Variants in CPVL observed in about 807,000 individuals in gnomAD.
CPVL encodes the protein carboxypeptidase vitellogenic like, also known as probable serine carboxypeptidase CPVL.
CPVL carries 51 observed loss-of-function variants against 63.7 expected under a neutral mutation model. That is an observed-to-expected ratio of 0.80 (90% CI 0.64 to 1.01). The LOEUF is 1.01. Ranked by LOEUF, CPVL falls within the 50% of genes least tolerant of loss-of-function variation. The pLI, the probability that CPVL is intolerant of heterozygous loss-of-function variation, is 0.00. For missense variants in CPVL, 530 were observed against 573.1 expected (o/e 0.92, Z 0.77); for synonymous variants, 195 against 206.0 (o/e 0.95, Z 0.46).
At chr7:29,140,133 T>C (rs1791709400) in intron 1 of CPVL, among the ~76,000 whole-genome samples, 1 of 152,146 alleles carries the variant, frequency 6.6e-6, no homozygotes, top group Non-Finnish European at 1.5e-5. Flanking sequence ...TCACATTTCT[T>C]GATCCATTCA....
At chr7:29,002,854 G>T (rs1186928898) in intron 12 of CPVL, among the ~76,000 whole-genome samples, 1 of 124,568 alleles carries the variant, frequency 8.0e-6, no homozygotes, top group Non-Finnish European at 1.7e-5. Context: ...GGAGAATAAA[G>T]GTATGAAAAT....
upstream of CPVL, chr7:29,195,309 C>T (rs1783540884): frequency 3.1e-6 from 1 of 319,128 alleles, no homozygotes; most frequent in Non-Finnish European, 5.7e-6. Flanking sequence ...GCAGCTGGAG[C>T]GGGGGCTGGC....
At chr7:29,167,592 G>T (rs1264082410) in intron 5 of CPVL, among the ~76,000 whole-genome samples, 1 of 152,122 alleles carries the variant, frequency 6.6e-6, no homozygotes, top group Admixed American at 6.5e-5. Context: ...ACACTAAATT[G>T]TTTTTTAAAG....
intron 5 of CPVL, among the ~76,000 whole-genome samples, chr7:29,177,204 G>C (rs560841650): frequency 4.6e-5 from 7 of 150,958 alleles, no homozygotes; most frequent in African/African-American, 1.7e-4. Context: ...CTATATAGGA[G>C]ATCTTTTTCT....
intron 2 of CPVL, among the ~76,000 whole-genome samples, chr7:29,118,518 T>C (rs766974075): frequency 2.5e-4 from 38 of 152,204 alleles, no homozygotes; most frequent in Non-Finnish European, 4.7e-4. Context: ...CTTTTTAAAA[T>C]ACACTAAATA....
chr7:29,165,895 T>A (rs760970609), intron 5 of CPVL, among the ~76,000 whole-genome samples: 20 of 152,238 alleles, frequency 1.3e-4, no homozygotes, highest in Non-Finnish European at 8.8e-5. Context: ...AAACCTTTTA[T>A]TTGGTAAAAT....
chr7:29,040,040 T>C (rs1413051585), intron 11 of CPVL, among the ~76,000 whole-genome samples: 2 of 152,136 alleles, frequency 1.3e-5, no homozygotes, highest in Non-Finnish European at 2.9e-5. Context: ...GGCCTCTATC[T>C]GTCTTAGTTT....
chr7:29,169,090 C>G (rs879686028), intron 5 of CPVL, among the ~76,000 whole-genome samples: 1 of 151,696 alleles, frequency 6.6e-6, no homozygotes, highest in East Asian at 1.9e-4. Flanking sequence ...ATTTATCTCC[C>G]ATAGAATAAA....
intron 12 of CPVL, chr7:29,001,282 T>C (rs897801135): frequency 6.6e-6 from 1 of 152,180 alleles, no homozygotes; most frequent in Non-Finnish European, 1.5e-5. Flanking sequence ...AGCTGCAAGT[T>C]TGGCAGGCAG....
rs532390613 is a variant in CPVL, at chr7:29,090,530, C to T, written c.542+2093G>A. Among the ~76,000 whole-genome samples the T allele has an allele frequency of 2.6e-5, 4 of 152,226 alleles. No homozygotes were observed. The South Asian group carries it at 8.3e-4, about 32-fold the overall frequency. On this transcript the variant is annotated intron_variant, in intron 6 of 12. Coordinates refer to ENST00000265394, the MANE Select transcript of CPVL (RefSeq NM_031311.5). ...GCTGCTAAGAAAATAACTATAGGTC[C>T]ACCACTAGACTGAGCACCAGGAGGG...
At chr7:29,159,647 A>G (rs1483354174) in intron 5 of CPVL, among the ~76,000 whole-genome samples, 1 of 151,962 alleles carries the variant, frequency 6.6e-6, no homozygotes, top group Non-Finnish European at 1.5e-5. Flanking sequence ...ATTTTGCTCA[A>G]ATGTCACCTT....
At chr7:29,195,123 G>A in exon 1 of CPVL, 2 of 911,832 alleles carry the variant, frequency 2.2e-6, no homozygotes, top group South Asian at 1.9e-5. Context: ...AGGCGTCCGG[G>A]GTGATACTTG....
chr7:29,176,933 A>G (rs978042172), intron 5 of CPVL, among the ~76,000 whole-genome samples: 98 of 152,318 alleles, frequency 6.4e-4, no homozygotes, highest in African/African-American at 2.4e-3. Context: ...GTTAACTTCT[A>G]AATGAATAGA....
chr7:29,093,223 G>T (rs945715081), intron 5 of CPVL, among the ~76,000 whole-genome samples: 3 of 151,520 alleles, frequency 2.0e-5, no homozygotes, highest in Non-Finnish European at 2.9e-5. Flanking sequence ...CTAAAAATAC[G>T]AAAATTAGCC....
At chr7:29,036,380 T>C (rs945732120) in intron 11 of CPVL, among the ~76,000 whole-genome samples, 5 of 152,198 alleles carry the variant, frequency 3.3e-5, no homozygotes, top group African/African-American at 1.2e-4. Context: ...CTCAAGCAAG[T>C]TGATCATCTG....
At chr7:29,087,570 GA>G (rs747168214) in intron 6 of CPVL, among the ~76,000 whole-genome samples, 1 of 152,050 alleles carries the variant, frequency 6.6e-6, no homozygotes, top group Non-Finnish European at 1.5e-5. Context: ...TCAAAAAAAG[GA>G]AAACAAAAAC....
intron 9 of CPVL, among the ~76,000 whole-genome samples, chr7:29,071,176 A>T (rs973306927): frequency 6.6e-6 from 1 of 152,254 alleles, no homozygotes; most frequent in Non-Finnish European, 1.5e-5. Flanking sequence ...ATTTTAAATA[A>T]CTGAGAAAGA....
At chr7:29,111,518 G>A (rs1046446548) in intron 3 of CPVL, among the ~76,000 whole-genome samples, 2 of 152,190 alleles carry the variant, frequency 1.3e-5, no homozygotes, top group African/African-American at 2.4e-5. Flanking sequence ...CAACACTGAC[G>A]AAGAAATAAG....
chr7:29,137,233 A>G (rs1236299407), intron 1 of CPVL, among the ~76,000 whole-genome samples: 1 of 152,192 alleles, frequency 6.6e-6, no homozygotes, highest in African/African-American at 2.4e-5. Flanking sequence ...GGCAAAAGAA[A>G]GAGAAAGGAG....
Sources: allele counts gnomAD v4.1 joint callset (sites outside exome capture counted in the v4.1 genomes callset), GRCh38; gene constraint gnomAD v4.1.1; transcripts MANE v1.5; gene names NCBI Gene and HGNC (gene_info 2026-07-23, HGNC 2026-07-21).